RIMS1: variants seen among roughly 807,000 people sequenced by gnomAD.
The protein encoded by RIMS1 is regulating synaptic membrane exocytosis protein 1.
RIMS1 carries 83 observed loss-of-function variants against 214.1 expected under a neutral mutation model. The observed-to-expected ratio is 0.39, with a 90% CI of 0.32 to 0.47. RIMS1 has a LOEUF of 0.47. Among genes scored for constraint, RIMS1 ranks in the 20% least tolerant of loss-of-function variants. The pLI, the probability that RIMS1 is intolerant of heterozygous loss-of-function variation, is 0.99. For synonymous variants in RIMS1, 793 were observed against 786.8 expected, an observed-to-expected ratio of 1.01 and a Z score of -0.13; for missense variants, 2,050 against 2,161.8, an observed-to-expected ratio of 0.95 and a Z score of 1.03.
intron 29 of RIMS1, among the ~76,000 whole-genome samples, chr6:72,338,849 AAG>A (rs59731805): frequency 0.3 from 41,873 of 138,356 alleles, 6,654 homozygotes; most frequent in Non-Finnish European, 0.39. Context: ...CCAACTTGTG[AAG>A]AGAGAGAGAG....
intron 1 of RIMS1, among the ~76,000 whole-genome samples, chr6:71,952,371 T>A (rs9442722): frequency 0.22 from 33,414 of 152,190 alleles, 3,813 homozygotes; most frequent in South Asian, 0.29. Context: ...ACCTATTATG[T>A]GCCAGACAAT....
intron 29 of RIMS1, among the ~76,000 whole-genome samples, chr6:72,372,519 C>T (rs2098249676): frequency 6.6e-6 from 1 of 151,714 alleles, no homozygotes; most frequent in African/African-American, 2.4e-5. Flanking sequence ...TATTTTCTTT[C>T]CAAAAAATGT....
At chr6:72,224,138 G>T (rs368410832) in intron 6 of RIMS1, among the ~76,000 whole-genome samples, 31 of 152,248 alleles carry the variant, frequency 2.0e-4, no homozygotes, top group African/African-American at 6.7e-4. Context: ...AATGATAAAG[G>T]ACAGTACAAT....
intron 23 of RIMS1, among the ~76,000 whole-genome samples, chr6:72,276,414 T>C (rs1307835731): frequency 6.6e-6 from 1 of 152,144 alleles, no homozygotes; most frequent in Non-Finnish European, 1.5e-5. Context: ...AATAATACTT[T>C]CAGTTCTTAC....
rs774342423 is a variant in RIMS1 at position 72,235,584 on chromosome 6, A to G, written c.1747-34A>G. On this transcript the variant is annotated intron_variant, in intron 7 of 33. Transcript: ENST00000521978. ...TAGCTGAATGCATTACATTCTGTAT[A>G]TATTACTTTTTAAACTCATTCATGT... is the stretch of plus-strand genomic sequence containing the variant. 1.5e-5 allele frequency: 20 copies of G among 1,350,564 alleles called. 2 individuals carry two copies. The South Asian group carries it at 2.1e-4, about 14-fold the overall frequency. The allele number at this position is 1,350,564 out of a possible 1,614,324, so 83.7% of individuals were successfully genotyped here. A position where few individuals can be genotyped will look rare whatever the true frequency, so the allele number is the denominator to read the frequency against.
chr6:72,101,047 CTTTGGA>C (rs2033444838), intron 4 of RIMS1, among the ~76,000 whole-genome samples: 1 of 151,790 alleles, frequency 6.6e-6, no homozygotes, highest in Non-Finnish European at 1.5e-5. Context: ...AATATTATTA[CTTTGGA>C]TGAGTTCACA....
chr6:72,209,258 C>A (rs922918653), intron 6 of RIMS1, among the ~76,000 whole-genome samples: 3 of 152,074 alleles, frequency 2.0e-5, no homozygotes, highest in Non-Finnish European at 2.9e-5. Context: ...TTAAATTTTT[C>A]CAGTTAGGCA....
intron 29 of RIMS1, among the ~76,000 whole-genome samples, chr6:72,353,309 A>G (rs1970373): frequency 0.81 from 123,468 of 152,146 alleles, 50,735 homozygotes; most frequent in African/African-American, 0.95. Flanking sequence ...TTCTAAAGTA[A>G]AGTCTGAAAA....
At chr6:72,192,180 T>G (rs1421417672) in intron 6 of RIMS1, among the ~76,000 whole-genome samples, 2 of 152,192 alleles carry the variant, frequency 1.3e-5, no homozygotes, top group Admixed American at 1.3e-4. Context: ...AAAACTCCAT[T>G]AATTACCTGA....
Position 72,399,031 on chromosome 6 carries a change from C to G in RIMS1, c.4797C>G (p.Thr1599=), listed in dbSNP as rs2098810763. Residue 1599 remains threonine (T), a synonymous_variant, in exon 33 of 34, where the codon ACC becomes ACG. Coordinates refer to ENST00000521978, the MANE Select transcript of RIMS1 (RefSeq NM_014989.7). ...AGAAGACAAGAATTGCACGAAAAAC[C>G]CTTGATCCTTTGTATCAGCAGTCTC... ...AKKKTRIARK[T]LDPLYQQSLV... The G allele has an allele frequency of 1.2e-6, 2 of 1,610,154 alleles. No individual in the cohort carries two copies. Among genetic ancestry groups the G allele is most frequent in the Non-Finnish European group, 8.5e-7 (1 of 1,177,620 alleles).
intron 16 of RIMS1, 48 bp downstream of exon 16, chr6:72,252,880 G>A: frequency 7.0e-7 from 1 of 1,426,598 alleles, no homozygotes; most frequent in Non-Finnish European, 9.7e-7. Context: ...TGCTTTGCTT[G>A]TTTTCTCTGT....
chr6:72,093,617 A>G (rs895186576), intron 2 of RIMS1, among the ~76,000 whole-genome samples: 2 of 151,860 alleles, frequency 1.3e-5, no homozygotes, highest in Non-Finnish European at 2.9e-5. Context: ...TCTTTTGATG[A>G]TACTTCTTGT....
chr6:72,264,897 TACTTTCTG>T, intron 19 of RIMS1, 70 bp from the exon 20 acceptor site: 1 of 880,950 alleles, frequency 1.1e-6, no homozygotes, highest in Non-Finnish European at 1.8e-6. Flanking sequence ...ATAGGCCTCC[TACTTTCTG>T]AATATCTTAA....
At chr6:72,290,588 G>T in intron 24 of RIMS1, 91 bp from the exon 25 acceptor site, 1 of 1,067,130 alleles carries the variant, frequency 9.4e-7, no homozygotes. Context: ...TGTCATGTAC[G>T]AGTAACCAGG....
At chr6:72,268,154 G>T (rs559519732) in intron 22 of RIMS1, among the ~76,000 whole-genome samples, 5 of 152,254 alleles carry the variant, frequency 3.3e-5, no homozygotes, top group Non-Finnish European at 5.9e-5. Flanking sequence ...GAGACTACAA[G>T]TACCCTTTGT....
chr6:72,143,799 A>G (rs1186110540), intron 4 of RIMS1, among the ~76,000 whole-genome samples: 1 of 152,246 alleles, frequency 6.6e-6, no homozygotes, highest in Non-Finnish European at 1.5e-5. Context: ...TCGTATTTTT[A>G]CGTCTTTTCT....
At position 72,392,726 on chromosome 6, in the gene RIMS1, G is replaced by A. The variant is rs2098719926; in HGVS notation, c.4534G>A (p.Ala1512Thr). Residue 1512 changes from alanine to threonine, a missense_variant, in exon 31 of 34, where the codon GCT becomes ACT. Physicochemically the swap from Ala to Thr is moderately conservative, Grantham distance 58 (BLOSUM62 0). Coordinates refer to ENST00000521978, the MANE Select transcript of RIMS1 (RefSeq NM_014989.7). The part of the protein sequence containing the change: ...NLIFPGVRLG[A>T]DSQFSDFLDG... ...AATATTTCCTGGAGTGCGACTGGGA[G>A]CTGACAGTCAATTCAGTGATTTTCT... The A allele has an allele frequency of 6.2e-7, 1 of 1,613,492 alleles. No individual in the cohort carries two copies. Among genetic ancestry groups the A allele is most frequent in the South Asian group, 1.1e-5 (1 of 91,072 alleles).
At chr6:72,097,268 C>T in intron 3 of RIMS1, 106 bp downstream of exon 3, 2 of 973,560 alleles carry the variant, frequency 2.1e-6, no homozygotes. Flanking sequence ...TGTGCATAAA[C>T]ATACACGTTA....
intron 29 of RIMS1, among the ~76,000 whole-genome samples, chr6:72,374,149 G>A (rs375287408): frequency 3.3e-5 from 5 of 152,078 alleles, no homozygotes; most frequent in East Asian, 3.9e-4. Context: ...TCTTGACCTC[G>A]TGATCCGCCC....
Sources: gnomAD v4.1 joint callset for allele counts (sites outside exome capture counted in the v4.1 genomes callset) on GRCh38, gnomAD v4.1.1 for gene constraint, MANE v1.5 for transcripts, NCBI Gene and HGNC (gene_info 2026-07-23, HGNC 2026-07-21) for gene names.